The following MBD2 variants were observed in gnomAD, a reference collection of about 807,000 sequenced individuals.
MBD2 encodes the protein methyl-CpG binding domain protein 2, also known as methyl-CpG-binding domain protein 2.
MBD2 carries 9 observed loss-of-function variants against 39.3 expected under a neutral mutation model. The ratio of observed to expected loss-of-function variants is 0.23; its 90% CI spans 0.14 to 0.40. The LOEUF (loss-of-function observed/expected upper bound fraction) is 0.40. MBD2 is among the 10% of genes least tolerant of loss of function. MBD2 has a pLI of 1.00. For missense variants in MBD2, 458 were observed against 532.6 expected (o/e 0.86, Z 1.38); for synonymous variants, 233 against 211.1 (o/e 1.10, Z -0.90).
intron 1 of MBD2, among the ~76,000 whole-genome samples, chr18:54,207,935 G>A (rs557725197): frequency 6.6e-6 from 1 of 152,284 alleles, no homozygotes; most frequent in African/African-American, 2.4e-5. Flanking sequence ...CTACTCAGGA[G>A]GCTGAGGCAG....
At chr18:54,179,781 T>G (rs1349250036) in intron 3 of MBD2, among the ~76,000 whole-genome samples, 4 of 152,194 alleles carry the variant, frequency 2.6e-5, no homozygotes, top group Admixed American at 6.5e-5. Context: ...GTATCACATT[T>G]AATGGAGAAA....
intron 2 of MBD2, among the ~76,000 whole-genome samples, chr18:54,201,816 T>C (rs1295177318): frequency 2.0e-5 from 3 of 147,128 alleles, no homozygotes; most frequent in African/African-American, 7.6e-5. Flanking sequence ...TAAGCTGAGA[T>C]GGCACCACTG....
chr18:54,187,887 G>C, intron 3 of MBD2: 1 of 984,178 alleles, frequency 1.0e-6, no homozygotes, highest in Non-Finnish European at 1.2e-6. Flanking sequence ...ATTTCTTTAT[G>C]TAGTTTCTTC....
chr18:54,183,911 C>A, intron 3 of MBD2, among the ~76,000 whole-genome samples: 1 of 151,966 alleles, frequency 6.6e-6, no homozygotes. Flanking sequence ...AGTGTATCTG[C>A]AGAGTACAGG....
chr18:54,163,189 T>C (rs1599075182), intron 5 of MBD2, among the ~76,000 whole-genome samples: 2 of 152,270 alleles, frequency 1.3e-5, no homozygotes, highest in East Asian at 3.9e-4. Flanking sequence ...GGAGAATTGC[T>C]TGAACCCGGG....
intron 1 of MBD2, among the ~76,000 whole-genome samples, chr18:54,210,118 C>A (rs968772096): frequency 6.6e-6 from 1 of 151,958 alleles, no homozygotes; most frequent in Non-Finnish European, 1.5e-5. Context: ...TACCAACTGC[C>A]CCCTAGATAT....
chr18:54,206,029 A>G (rs2086447655), intron 1 of MBD2, among the ~76,000 whole-genome samples: 1 of 152,206 alleles, frequency 6.6e-6, no homozygotes, highest in African/African-American at 2.4e-5. Flanking sequence ...ATTTGGGCTC[A>G]TAACACTCAC....
At chr18:54,215,793 CT>C (rs764192938) in intron 1 of MBD2, among the ~76,000 whole-genome samples, 110 of 144,250 alleles carry the variant, frequency 7.6e-4, no homozygotes, top group Non-Finnish European at 7.0e-4. Context: ...CAAGCCCGGC[CT>C]TTTTTTTTTT....
At chr18:54,208,359 A>G (rs671835) in intron 1 of MBD2, among the ~76,000 whole-genome samples, 63,770 of 151,634 alleles carry the variant, frequency 0.42, 13,730 homozygotes, top group East Asian at 0.57. Context: ...AGGCGTTGTG[A>G]CGCATGCCTC....
intron 5 of MBD2, among the ~76,000 whole-genome samples, chr18:54,164,288 C>T (rs1205831240): frequency 6.6e-6 from 1 of 152,174 alleles, no homozygotes; most frequent in African/African-American, 2.4e-5. Context: ...GTCCTTTGGA[C>T]AGGACCATGA....
chr18:54,194,944 T>C (rs774020334), intron 2 of MBD2, among the ~76,000 whole-genome samples: 2 of 152,248 alleles, frequency 1.3e-5, no homozygotes, highest in Admixed American at 6.5e-5. Flanking sequence ...AGTGTCCCTT[T>C]ATGATATCAA....
chr18:54,207,384 TCTA>T (rs1568091680), intron 1 of MBD2, among the ~76,000 whole-genome samples: 1 of 152,212 alleles, frequency 6.6e-6, no homozygotes, highest in African/African-American at 2.4e-5. Context: ...TCAGAAATAA[TCTA>T]CTACCACTCG....
chr18:54,224,411 C>A lies in MBD2; in HGVS notation c.149G>T (p.Arg50Leu). The A allele has an allele frequency of 8.0e-7, 1 of 1,246,170 alleles. No individual in the cohort carries two copies. Among genetic ancestry groups the A allele is most frequent in the Admixed American group, 4.0e-5 (1 of 25,290 alleles). The allele number at this position is 1,246,170 out of a possible 1,614,324, so 77.2% of individuals were successfully genotyped here. The change falls in exon 1 of 7, where the codon CGC becomes CTC. Residue 50 changes from arginine (R) to leucine (L), a missense_variant. Around this residue, in one of 2 missense-constraint regions of MBD2, gnomAD observed 269 missense variants for 236.0 expected, o/e 1.14. Transcript: ENST00000256429. ...GCCGCCGCCCCGAGCGCCTTCCCTG[C>A]GCACGCCGCTCACCGGGGACGGGGC... ...ALAPSPVSGV[R>L]REGARGGGRG...
intron 5 of MBD2, among the ~76,000 whole-genome samples, chr18:54,160,543 C>A (rs2086088831): frequency 1.3e-5 from 2 of 149,050 alleles, no homozygotes; most frequent in Admixed American, 1.3e-4. Flanking sequence ...TCGGTGATTA[C>A]AAAGGAACCT....
chr18:54,161,857 T>G (rs1320841987), intron 5 of MBD2, among the ~76,000 whole-genome samples: 1 of 111,010 alleles, frequency 9.0e-6, no homozygotes, highest in African/African-American at 3.6e-5. Flanking sequence ...AGGTTACCAA[T>G]CAACTGATTT....
intron 1 of MBD2, among the ~76,000 whole-genome samples, chr18:54,218,641 C>T (rs570017): frequency 0.85 from 128,689 of 152,194 alleles, 54,881 homozygotes; most frequent in East Asian, 1. Context: ...ATGGAGATAA[C>T]TGTACCTGTT....
intron 1 of MBD2, among the ~76,000 whole-genome samples, chr18:54,205,535 G>A (rs2086442389): frequency 6.7e-6 from 1 of 148,296 alleles, no homozygotes; most frequent in Admixed American, 6.8e-5. Flanking sequence ...AGGTTGCAGT[G>A]AGCCAAGATC....
intron 2 of MBD2, chr18:54,202,547 G>T (rs1045993693): frequency 1.3e-5 from 3 of 223,782 alleles, no homozygotes; most frequent in Non-Finnish European, 2.4e-5. Flanking sequence ...CTTTCCAAGA[G>T]AACTTATTTT....
At position 54,153,430 on chromosome 18, in the gene MBD2, T is replaced by G. The variant is rs538266345; in HGVS notation, c.*1894A>C. ...ACACCATATAATGGCTTTCATACCTTGTTCTCCACCTGAGCAAAGTATATA... is the reference window on the plus strand; with the variant it reads ...ACACCATATAATGGCTTTCATACCTGGTTCTCCACCTGAGCAAAGTATATA... On this transcript the variant is annotated 3_prime_UTR_variant, in exon 7 of 7. Coordinates refer to ENST00000256429, the MANE Select transcript of MBD2 (RefSeq NM_003927.5). The G allele has an allele frequency of 6.6e-6, 1 of 152,186 alleles. No homozygotes were observed. The highest frequency in any genetic ancestry group is 2.4e-5 in the African/African-American group (1 of 41,514). 9.4% of individuals were successfully genotyped at this position (152,186 alleles called of 1,614,324 possible). A position where few individuals can be genotyped will look rare whatever the true frequency, so the allele number is the denominator to read the frequency against.
Sources: gnomAD v4.1 joint callset for allele counts (sites outside exome capture counted in the v4.1 genomes callset) on GRCh38, gnomAD v4.1.1 for gene constraint, gnomAD v4.1.1 regional missense constraint, MANE v1.5 for transcripts, NCBI Gene and HGNC (gene_info 2026-07-23, HGNC 2026-07-21) for gene names.